The following CNTLN variants were observed in gnomAD, a reference collection of about 807,000 sequenced individuals.
CNTLN encodes centlein, also known as centlein, centrosomal protein.
In CNTLN, 212 loss-of-function variants were observed where a neutral mutation model predicts 180.0. That is an observed-to-expected ratio of 1.18 (90% CI 1.05 to 1.32). The LOEUF (loss-of-function observed/expected upper bound fraction) is 1.32, where lower values mean the gene tolerates loss of function less well. CNTLN is among the 40% of genes most tolerant of loss of function. The pLI is 0.00. For synonymous variants in CNTLN, 722 were observed against 563.1 expected, an observed-to-expected ratio of 1.28 and a Z score of -3.99; for missense variants, 2,095 against 1,610.9, an observed-to-expected ratio of 1.30 and a Z score of -5.14.
At chr9:17,245,395 C>T (rs1429984620) in intron 5 of CNTLN, among the ~76,000 whole-genome samples, 2 of 149,026 alleles carry the variant, frequency 1.3e-5, no homozygotes, top group Admixed American at 1.3e-4. Flanking sequence ...TTCCACTGTG[C>T]AGTCTGCTGC....
At chr9:17,178,488 C>T (rs1820880740) in intron 2 of CNTLN, among the ~76,000 whole-genome samples, 1 of 152,120 alleles carries the variant, frequency 6.6e-6, no homozygotes, top group African/African-American at 2.4e-5. Flanking sequence ...GAGGCTCGGG[C>T]TGCCCGGGAT....
At chr9:17,187,208 C>T (rs543093570) in intron 2 of CNTLN, among the ~76,000 whole-genome samples, 5 of 152,116 alleles carry the variant, frequency 3.3e-5, no homozygotes, top group East Asian at 1.9e-4. Flanking sequence ...TTATAAATTT[C>T]CTAATCTGCA....
intron 8 of CNTLN, among the ~76,000 whole-genome samples, chr9:17,317,808 T>C (rs952080053): frequency 1.3e-5 from 2 of 152,092 alleles, no homozygotes; most frequent in African/African-American, 4.8e-5. Flanking sequence ...CGAGTGTGGC[T>C]AGATTGAGAG....
intron 5 of CNTLN, among the ~76,000 whole-genome samples, chr9:17,245,368 C>T (rs915972794): frequency 1.3e-5 from 2 of 148,814 alleles, no homozygotes; most frequent in African/African-American, 4.9e-5. Context: ...ATGACACTCT[C>T]TCCTGGCCTG....
intron 3 of CNTLN, among the ~76,000 whole-genome samples, chr9:17,229,399 G>A (rs906107613): frequency 6.6e-6 from 1 of 152,072 alleles, no homozygotes; most frequent in African/African-American, 2.4e-5. Flanking sequence ...GTGACATTAT[G>A]GGGTGGGGAG....
chr9:17,154,737 C>T (rs773300407), intron 2 of CNTLN, among the ~76,000 whole-genome samples: 7 of 152,146 alleles, frequency 4.6e-5, no homozygotes, highest in African/African-American at 9.7e-5. Flanking sequence ...TCTGTAAAAA[C>T]GGACCAGTCA....
intron 20 of CNTLN, among the ~76,000 whole-genome samples, chr9:17,463,361 A>G (rs917142996): frequency 1.5e-4 from 22 of 151,636 alleles, no homozygotes; most frequent in Non-Finnish European, 3.3e-4. Flanking sequence ...TTTAATGCCT[A>G]AGCTTATAAA....
chr9:17,356,076 A>AAAAAAG (rs1564023823), intron 12 of CNTLN, among the ~76,000 whole-genome samples: 68 of 140,088 alleles, frequency 4.9e-4, no homozygotes, highest in African/African-American at 6.6e-4. Context: ...AAAAAAAAAA[A>AAAAAAG]AAAAAGAAAA....
intron 18 of CNTLN, among the ~76,000 whole-genome samples, chr9:17,439,004 A>G (rs1829950572): frequency 6.6e-6 from 1 of 152,182 alleles, no homozygotes; most frequent in Non-Finnish European, 1.5e-5. Context: ...TCTCTATGCC[A>G]ACTGCTGCTT....
At chr9:17,360,963 G>A (rs1304491686) in intron 12 of CNTLN, among the ~76,000 whole-genome samples, 2 of 152,124 alleles carry the variant, frequency 1.3e-5, no homozygotes, top group African/African-American at 2.4e-5. Context: ...TTTTTCAAAT[G>A]TTCTGTATCC....
intron 6 of CNTLN, among the ~76,000 whole-genome samples, chr9:17,275,245 G>T (rs998126401): frequency 2.0e-5 from 3 of 151,882 alleles, no homozygotes; most frequent in African/African-American, 7.2e-5. Context: ...ATTTTATATT[G>T]TTTAAATTTT....
chr9:17,252,642 T>C (rs547196918), intron 5 of CNTLN, among the ~76,000 whole-genome samples: 32 of 151,942 alleles, frequency 2.1e-4, no homozygotes, highest in African/African-American at 6.5e-4. Context: ...TAGTCCCCTG[T>C]TGACTGAGTA....
intron 2 of CNTLN, among the ~76,000 whole-genome samples, chr9:17,177,191 C>T (rs188984064): frequency 2.6e-5 from 4 of 152,214 alleles, no homozygotes; most frequent in East Asian, 1.9e-4. Flanking sequence ...AGGCAGATCA[C>T]GAGGTCAGGA....
At chr9:17,391,847 A>G (rs148480438) in intron 14 of CNTLN, among the ~76,000 whole-genome samples, 3 of 152,276 alleles carry the variant, frequency 2.0e-5, no homozygotes, top group East Asian at 1.9e-4. Context: ...GTTTATGATC[A>G]CATTTAATAC....
chr9:17,237,636 A>G (rs538691017), intron 5 of CNTLN, among the ~76,000 whole-genome samples: 1 of 152,252 alleles, frequency 6.6e-6, no homozygotes, highest in African/African-American at 2.4e-5. Context: ...TGCAAATACT[A>G]TGCCATTTTA....
At chr9:17,145,979 T>C (rs1586906581) in intron 2 of CNTLN, among the ~76,000 whole-genome samples, 1 of 152,170 alleles carries the variant, frequency 6.6e-6, no homozygotes, top group Non-Finnish European at 1.5e-5. Flanking sequence ...AGTTCTGTTA[T>C]CTAAATTGAG....
chr9:17,226,182 C>T, intron 2 of CNTLN, 21 bp from the exon 3 acceptor site: 1 of 1,302,776 alleles, frequency 7.7e-7, no homozygotes, highest in African/African-American at 1.5e-5. Context: ...GACTAATAAA[C>T]TCTCTATATT....
At chr9:17,259,600 G>C (rs1204280095) in intron 5 of CNTLN, among the ~76,000 whole-genome samples, 1 of 150,690 alleles carries the variant, frequency 6.6e-6, no homozygotes, top group Non-Finnish European at 1.5e-5. Context: ...GAATCCATCT[G>C]GTCCTGGACT....
At chr9:17,489,119 A>G (rs540375785) in intron 25 of CNTLN, among the ~76,000 whole-genome samples, 1 of 152,236 alleles carries the variant, frequency 6.6e-6, no homozygotes, top group South Asian at 2.1e-4. Context: ...AGAAAAATCT[A>G]TAAAATAGAA....
Sources: gnomAD v4.1 joint callset for allele counts (sites outside exome capture counted in the v4.1 genomes callset) on GRCh38, gnomAD v4.1.1 for gene constraint, MANE v1.5 for transcripts, NCBI Gene and HGNC (gene_info 2026-07-23, HGNC 2026-07-21) for gene names.